Variants in NBEAL2 observed in about 807,000 individuals in gnomAD.
NBEAL2 encodes neurobeachin like 2.
In NBEAL2, 160 loss-of-function variants were observed where a neutral mutation model predicts 299.8. The ratio of observed to expected loss-of-function variants is 0.53; its 90% confidence interval spans 0.47 to 0.61. The LOEUF is 0.61. NBEAL2 is among the 20% of genes least tolerant of loss of function. The pLI, the probability that NBEAL2 is intolerant of heterozygous loss-of-function variation, is 0.00. For missense variants in NBEAL2, 3,112 were observed against 3,649.0 expected, an observed-to-expected ratio of 0.85 and a Z score of 3.79; for synonymous variants, 1,493 against 1,542.3, an observed-to-expected ratio of 0.97 and a Z score of 0.75.
At chr3:47,002,319 GT>G in intron 31 of NBEAL2, 31 bp downstream of exon 31, 3 of 1,597,070 alleles carry the variant, frequency 1.9e-6, no homozygotes, top group East Asian at 2.2e-5. Context: ...AGGAAGAGGA[GT>G]GGGGGCTGGG....
intron 1 of NBEAL2, among the ~76,000 whole-genome samples, chr3:46,983,757 C>A (rs952489650): frequency 2.6e-5 from 4 of 152,126 alleles, no homozygotes; most frequent in African/African-American, 7.2e-5. Flanking sequence ...GATGAGCACA[C>A]AGCCCAGGCT....
Position 46,999,369 on chromosome 3 carries a change from C to A in NBEAL2, c.3598C>A (p.Leu1200Ile). 1 of 1,609,982 alleles carries A rather than the reference C, an allele frequency of 6.2e-7. No individual in the cohort carries two copies. The highest frequency in any genetic ancestry group is 8.5e-7 in the Non-Finnish European group (1 of 1,178,802). Reference sequence around the variant, plus strand: ...GCTACCTGAGCGGAGCCGCCAGCGCCTCCGGCTGCGGGAGTGTGGTCTCCA... The same window carrying A: ...GCTACCTGAGCGGAGCCGCCAGCGCATCCGGCTGCGGGAGTGTGGTCTCCA... ...ERLPERSRQRLRLRECGLQGL... is the reference protein window; with the variant it reads ...ERLPERSRQRIRLRECGLQGL... The change falls in exon 25 of 54, where the codon CTC (leucine) becomes ATC (isoleucine). Residue 1200 changes from leucine to isoleucine, a missense_variant. By Grantham distance (5) the Leu-to-Ile change is conservative. Around this residue, in one of 3 missense-constraint regions of NBEAL2, gnomAD observed 2,243 missense variants for 2,538.1 expected, o/e 0.88. Transcript: ENST00000450053.
intron 26 of NBEAL2, 84 bp from the exon 27 acceptor site, chr3:46,999,805 G>A: frequency 6.3e-7 from 1 of 1,591,856 alleles, no homozygotes. Context: ...AGGGGTCTCT[G>A]GAGCCCTCCT....
At chr3:47,002,912 G>C (rs756956984) in intron 33 of NBEAL2, 45 bp from the exon 34 acceptor site, 22 of 1,602,756 alleles carry the variant, frequency 1.4e-5, no homozygotes, top group Non-Finnish European at 1.6e-5. Context: ...GGATGGGGGT[G>C]TCTACAGCCT....
chr3:47,009,451 A>G lies in NBEAL2; in HGVS notation c.*131A>G. 1.2e-6 allele frequency: 1 copy of G among 851,094 alleles called. No homozygotes were observed. The highest frequency in any genetic ancestry group is 1.8e-6 in the Non-Finnish European group (1 of 543,708). 52.7% of individuals were successfully genotyped at this position (851,094 alleles called of 1,614,324 possible). A position where few individuals can be genotyped will look rare whatever the true frequency, so the allele number is the denominator to read the frequency against. On this transcript the variant is annotated 3_prime_UTR_variant, in exon 54 of 54. Transcript: ENST00000450053. ...GAGCGGGGCCCACCCTGCCCAGCTC[A>G]GGGATTGGCGGGCGATGTTACCCCC...
chr3:46,994,302 T>C (rs968127291), intron 11 of NBEAL2, among the ~76,000 whole-genome samples, 153 bp from the exon 12 acceptor site: 6 of 152,062 alleles, frequency 3.9e-5, no homozygotes, highest in Admixed American at 2.0e-4. Flanking sequence ...CCCCCATCCC[T>C]CTGCAGCCCA....
At position 47,000,081 on chromosome 3, in the gene NBEAL2, C is replaced by T. The variant is rs780401785; in HGVS notation, c.3982C>T (p.Pro1328Ser). The change falls in exon 27 of 54, where the codon CCT becomes TCT. Residue 1328 changes from proline to serine, a missense_variant. Coordinates refer to ENST00000450053, the MANE Select transcript of NBEAL2 (RefSeq NM_015175.3). The surrounding 1 kb of genome is among the most constrained non-coding windows in gnomAD (Gnocchi z 4.5). Reference sequence around the variant, plus strand: ...GCCACCCACTGAGTCACCTGCTGAGCCTTCAGATGTCTTCCTGCCCTCAGA... The same window carrying T: ...GCCACCCACTGAGTCACCTGCTGAGTCTTCAGATGTCTTCCTGCCCTCAGA... ...PKPPTESPAE[P>S]SDVFLPSEAP... The T allele has an allele frequency of 6.2e-7, 1 of 1,613,668 alleles. No individual in the cohort carries two copies. Among genetic ancestry groups the T allele is most frequent in the South Asian group, 1.1e-5 (1 of 91,076 alleles).
At chr3:47,008,485 A>C in intron 51 of NBEAL2, 35 bp from the exon 52 acceptor site, 2 of 1,610,652 alleles carry the variant, frequency 1.2e-6, no homozygotes, top group Non-Finnish European at 8.5e-7. Context: ...GGCAGTTGGG[A>C]TCCTGTCCTT....
In NBEAL2 at chr3:46,995,396, A is replaced by T; in HGVS notation, c.1661A>T (p.Lys554Met). 6.2e-7 allele frequency: 1 copy of T among 1,612,764 alleles called. No individual in the cohort carries two copies. The highest frequency in any genetic ancestry group is 8.5e-7 in the Non-Finnish European group (1 of 1,179,860). Residue 554 changes from lysine (K) to methionine (M), a missense_variant, in exon 13 of 54, where the codon AAG becomes ATG. Transcript: ENST00000450053. ...DSEPGGAEAGKARHAGAVIRT... is the reference protein window; with the variant it reads ...DSEPGGAEAGMARHAGAVIRT... ...GAACCAGGCGGAGCTGAGGCTGGAA[A>T]GGCCCGACACGCAGGTGCTGTCATC...
chr3:47,006,818 G>A (rs981416387), intron 45 of NBEAL2, among the ~76,000 whole-genome samples: 3 of 152,144 alleles, frequency 2.0e-5, no homozygotes, highest in African/African-American at 7.2e-5. Context: ...ATAACAGGGT[G>A]AGAGGACCAA....
Position 46,988,585 on chromosome 3 carries a change from C to T in NBEAL2, c.52-84C>T, listed in dbSNP as rs935021654. On this transcript the variant is annotated intron_variant, in intron 1 of 53. Coordinates refer to ENST00000450053, the MANE Select transcript of NBEAL2 (RefSeq NM_015175.3). The surrounding 1 kb of genome is among the most constrained non-coding windows in gnomAD (Gnocchi z 4.4). Reference sequence around the variant, plus strand: ...CCTCTGTCCACCTCCATTCATTCTTCGCCTCTGTCTACATCCCCTTGTCCC... The same window carrying T: ...CCTCTGTCCACCTCCATTCATTCTTTGCCTCTGTCTACATCCCCTTGTCCC... 1.2e-5 allele frequency: 12 copies of T among 1,008,470 alleles called. No homozygotes were observed. The highest frequency in any genetic ancestry group is 2.6e-5 in the South Asian group (2 of 77,760). The allele number at this position is 1,008,470 out of a possible 1,614,324, so 62.5% of individuals were successfully genotyped here.
chr3:46,995,540 GCTTCA>G lies in NBEAL2; in HGVS notation c.1807_1811del (p.Phe603LeufsTer39). ...CCTGTACAGCGATGGCCAGGGCCTG[GCTTCA>G]CCTTTCATGCCTGGCTCTGTCTGCA... On this transcript the variant is annotated frameshift_variant, in exon 13 of 54. Transcript: ENST00000450053. LOFTEE classifies it high-confidence loss of function. 2.5e-6 allele frequency: 4 copies of G among 1,612,834 alleles called. No homozygotes were observed. The highest frequency in any genetic ancestry group is 3.4e-6 in the Non-Finnish European group (4 of 1,179,886).
chr3:47,004,638 C>T lies in NBEAL2; in HGVS notation c.6294+48C>T. On this transcript the variant is annotated intron_variant, in intron 38 of 53. Coordinates refer to ENST00000450053, the MANE Select transcript of NBEAL2 (RefSeq NM_015175.3). This position sits in a 1 kb window ranked among gnomAD's most constrained non-coding sequence, Gnocchi z 5.0. ...CTCCACCCCTGCCCCTCTGACCTGT[C>T]AGCCCTTGGTTCCCCCAAGTGTAGG... 1 of 1,573,170 alleles carries T rather than the reference C, an allele frequency of 6.4e-7. No individual in the cohort carries two copies. Among genetic ancestry groups the T allele is most frequent in the African/African-American group, 1.3e-5 (1 of 74,134 alleles).
rs1337938775 is a variant in NBEAL2, at chr3:47,004,460, C to T, written c.6199-35C>T. ...AATCACGGGGCAGTGCTGGACAGCC[C>T]ACCTGGCTCACATCTTGTCTGCCCC... On this transcript the variant is annotated intron_variant, in intron 37 of 53. Transcript: ENST00000450053. This position sits in a 1 kb window ranked among gnomAD's most constrained non-coding sequence, Gnocchi z 5.0. The T allele has an allele frequency of 1.2e-6, 2 of 1,607,956 alleles. No individual in the cohort carries two copies. The highest frequency in any genetic ancestry group is 1.7e-6 in the Non-Finnish European group (2 of 1,175,812).
intron 47 of NBEAL2, 66 bp downstream of exon 47, chr3:47,007,416 T>C: frequency 6.4e-7 from 1 of 1,553,864 alleles, no homozygotes; most frequent in South Asian, 1.2e-5. Flanking sequence ...TTCCCCTCCC[T>C]AATCAGAATG....
In NBEAL2 at chr3:46,979,787, C is replaced by T; in HGVS notation, c.-75C>T. ...TGACGCCCTCCGCCCATGGGCCTGG[C>T]CGAGGGCAACCGGCGGGCGGCGCGG... On this transcript the variant is annotated 5_prime_UTR_variant, in exon 1 of 54. Transcript: ENST00000450053. 5.3e-6 allele frequency: 2 copies of T among 378,754 alleles called. No homozygotes were observed. The highest frequency in any genetic ancestry group is 9.3e-6 in the Non-Finnish European group (2 of 214,424). The allele number at this position is 378,754 out of a possible 1,614,324, so 23.5% of individuals were successfully genotyped here.
rs1328593282 is a variant in NBEAL2, at chr3:46,999,895, C to T, written c.3796C>T (p.His1266Tyr). Reference sequence around the variant, plus strand: ...GCTGTGCTCTCGCCTGCAGCTTTTCCACCTCATCTACGGACAGCCAGATGT... The same window carrying T: ...GCTGTGCTCTCGCCTGCAGCTTTTCTACCTCATCTACGGACAGCCAGATGT... The part of the protein sequence containing the change: ...VRLDICRQLF[H>Y]LIYGQPDVVR... Residue 1266 changes from histidine (H) to tyrosine (Y), a missense_variant, in exon 27 of 54, where the codon CAC becomes TAC. Coordinates refer to ENST00000450053, the MANE Select transcript of NBEAL2 (RefSeq NM_015175.3). 2 of 1,603,632 alleles carry T rather than the reference C, an allele frequency of 1.2e-6. No homozygotes were observed. The highest frequency in any genetic ancestry group is 2.2e-5 in the South Asian group (2 of 90,716).
In NBEAL2 at chr3:47,007,561, C is replaced by G. The variant is rs753762325; in HGVS notation, c.7371C>G (p.Gly2457=). The change falls in exon 48 of 54, where the codon GGC becomes GGG. Residue 2457 remains glycine, a synonymous_variant. Transcript: ENST00000450053. ...QRLLSGPWVP[G]SGVSGQALAV... is the part of the protein sequence containing the mutation. ...TGCTGAGTGGCCCGTGGGTGCCAGG[C>G]AGTGGTGTGAGTGGACAAGCACTGG... The G allele has an allele frequency of 1.6e-5, 26 of 1,612,546 alleles. No individual in the cohort carries two copies. In the South Asian group the frequency reaches 2.9e-4, roughly 18 times the overall value.
In NBEAL2 at chr3:47,000,464, C is replaced by A; in HGVS notation, c.4305+60C>A. 1.3e-6 allele frequency: 2 copies of A among 1,525,910 alleles called. No homozygotes were observed. Among genetic ancestry groups the A allele is most frequent in the South Asian group, 2.6e-5 (2 of 76,938 alleles). The allele number at this position is 1,525,910 out of a possible 1,614,324, so 94.5% of individuals were successfully genotyped here. On this transcript the variant is annotated intron_variant, in intron 27 of 53. Transcript: ENST00000450053. This position sits in a 1 kb window ranked among gnomAD's most constrained non-coding sequence, Gnocchi z 4.5. ...CCCAAGGGAGGACACTTCTGGTACACAGGGCTGGCAGTGTAGCCTCTCCAA... is the reference window on the plus strand; with the variant it reads ...CCCAAGGGAGGACACTTCTGGTACAAAGGGCTGGCAGTGTAGCCTCTCCAA...
Sources: allele counts gnomAD v4.1 joint callset (sites outside exome capture counted in the v4.1 genomes callset), GRCh38; gene constraint gnomAD v4.1.1; regional missense constraint gnomAD v4.1.1; non-coding constraint Gnocchi (gnomAD v3.1); transcripts MANE v1.5; gene names NCBI Gene and HGNC (gene_info 2026-07-23, HGNC 2026-07-21).